IQGAP1: variants seen among roughly 807,000 people sequenced by gnomAD.
IQGAP1 encodes IQ motif containing GTPase activating protein 1.
IQGAP1 carries 66 observed loss-of-function variants against 215.6 expected under a neutral mutation model. That is an observed-to-expected ratio of 0.31 (90% CI 0.25 to 0.38). The LOEUF (loss-of-function observed/expected upper bound fraction) is 0.38. Among genes scored for constraint, IQGAP1 ranks in the 10% least tolerant of loss-of-function variants. IQGAP1 has a pLI of 1.00. For missense variants in IQGAP1, 1,712 were observed against 1,997.1 expected, an observed-to-expected ratio of 0.86 and a Z score of 2.72; for synonymous variants, 772 against 728.7, an observed-to-expected ratio of 1.06 and a Z score of -0.96.
chr15:90,414,416 T>G (rs1965014507), intron 2 of IQGAP1, among the ~76,000 whole-genome samples: 1 of 152,162 alleles, frequency 6.6e-6, no homozygotes, highest in South Asian at 2.1e-4. Context: ...TCTAGTTATT[T>G]TAAATGGACT....
chr15:90,440,403 G>A (rs1965431974), intron 6 of IQGAP1, 99 bp from the exon 7 acceptor site: 6 of 790,712 alleles, frequency 7.6e-6, no homozygotes, highest in Non-Finnish European at 1.3e-5. Flanking sequence ...AAAGGTAAAT[G>A]CCATTTTATC....
chr15:90,407,208 C>T (rs1964891950), intron 2 of IQGAP1, among the ~76,000 whole-genome samples: 1 of 151,988 alleles, frequency 6.6e-6, no homozygotes, highest in Non-Finnish European at 1.5e-5. Flanking sequence ...GGGATGAGAG[C>T]GTGTTCGATG....
chr15:90,482,718 A>T (rs1966077025), intron 28 of IQGAP1: 1 of 999,912 alleles, frequency 1.0e-6, no homozygotes. Context: ...GCTTTCCTAC[A>T]GTGAGGCCTC....
chr15:90,490,554 C>CTCG (rs1966189077), intron 33 of IQGAP1, among the ~76,000 whole-genome samples: 1 of 152,182 alleles, frequency 6.6e-6, no homozygotes, highest in Non-Finnish European at 1.5e-5. Context: ...AGAGGCAAGG[C>CTCG]TCGAGCATGA....
intron 15 of IQGAP1, among the ~76,000 whole-genome samples, chr15:90,464,277 A>G (rs935835120): frequency 6.6e-6 from 1 of 152,170 alleles, no homozygotes; most frequent in Non-Finnish European, 1.5e-5. Flanking sequence ...TTTCTAGAGA[A>G]GATTGCCCCA....
chr15:90,416,900 A>T (rs753225942), intron 2 of IQGAP1, among the ~76,000 whole-genome samples: 1 of 151,864 alleles, frequency 6.6e-6, no homozygotes, highest in Non-Finnish European at 1.5e-5. Flanking sequence ...TTTAATGATC[A>T]CTATTCTAAC....
chr15:90,428,438 G>T (rs1317255566), intron 3 of IQGAP1, among the ~76,000 whole-genome samples: 1 of 151,950 alleles, frequency 6.6e-6, no homozygotes, highest in African/African-American at 2.4e-5. Context: ...TCTGTAGGCA[G>T]AATGGGAAGA....
chr15:90,448,600 T>C lies in IQGAP1; in HGVS notation c.941T>C (p.Leu314Pro), dbSNP rs1346365427. ...TTTTCTGCATTAGCAAATATCGACC[T>C]GGCTTTAGAACAAGGAGATGCACTG... The part of the protein sequence containing the change: ...NTFSALANID[L>P]ALEQGDALAL... The change falls in exon 10 of 38, where the codon CTG becomes CCG. Residue 314 changes from leucine (L) to proline (P), a missense_variant. By Grantham distance (98) the Leu-to-Pro change is moderately conservative (BLOSUM62 -3). Coordinates refer to ENST00000268182, the MANE Select transcript of IQGAP1 (RefSeq NM_003870.4). The C allele has an allele frequency of 2.5e-6, 4 of 1,596,278 alleles. No homozygotes were observed. Among genetic ancestry groups the C allele is most frequent in the Non-Finnish European group, 3.4e-6 (4 of 1,172,114 alleles).
intron 2 of IQGAP1, among the ~76,000 whole-genome samples, chr15:90,414,959 T>C (rs989395657): frequency 1.3e-5 from 2 of 152,208 alleles, no homozygotes; most frequent in African/African-American, 4.8e-5. Flanking sequence ...AAATCATCTT[T>C]TAAAAAATAA....
intron 18 of IQGAP1, 127 bp from the exon 19 acceptor site, chr15:90,472,713 A>G: frequency 1.2e-6 from 1 of 806,738 alleles, no homozygotes; most frequent in Non-Finnish European, 1.9e-6. Context: ...CCTGTTATGT[A>G]GCTAATGATC....
chr15:90,426,483 C>T (rs532065443), intron 3 of IQGAP1, among the ~76,000 whole-genome samples: 3 of 151,498 alleles, frequency 2.0e-5, no homozygotes, highest in East Asian at 1.9e-4. Flanking sequence ...CTGGAAAGCC[C>T]GCCTCCCCCC....
chr15:90,417,938 A>G (rs151137489), intron 2 of IQGAP1, among the ~76,000 whole-genome samples: 1 of 152,124 alleles, frequency 6.6e-6, no homozygotes, highest in African/African-American at 2.4e-5. Context: ...CATCCCTTGT[A>G]AGTTGGATTC....
At chr15:90,476,933 AG>A in intron 24 of IQGAP1, 115 bp downstream of exon 24, 1 of 1,320,574 alleles carries the variant, frequency 7.6e-7, no homozygotes, top group Admixed American at 2.1e-5. Context: ...GGGGTGAGTG[AG>A]GGGCACTGTA....
intron 15 of IQGAP1, among the ~76,000 whole-genome samples, chr15:90,465,261 A>C (rs1394677198): frequency 6.6e-6 from 1 of 152,260 alleles, no homozygotes; most frequent in Non-Finnish European, 1.5e-5. Flanking sequence ...TGACAGTCTT[A>C]AAAACATTAG....
chr15:90,476,973 A>C, intron 24 of IQGAP1, 94 bp from the exon 25 acceptor site: 2 of 1,367,008 alleles, frequency 1.5e-6, no homozygotes, highest in South Asian at 2.6e-5. Context: ...CTTTTTTCTC[A>C]TATGTATTGT....
intron 2 of IQGAP1, among the ~76,000 whole-genome samples, chr15:90,411,327 G>C (rs1229855512): frequency 6.6e-6 from 1 of 151,642 alleles, no homozygotes; most frequent in Non-Finnish European, 1.5e-5. Context: ...TACCCAGGCT[G>C]GAATGCAGTG....
chr15:90,498,919 C>G (rs560193844), intron 37 of IQGAP1, among the ~76,000 whole-genome samples: 1 of 152,062 alleles, frequency 6.6e-6, no homozygotes, highest in Non-Finnish European at 1.5e-5. Context: ...AAGTGATTCT[C>G]CTGCCTCAGC....
At chr15:90,482,791 A>G (rs1966077611) in intron 28 of IQGAP1, 1 of 876,090 alleles carries the variant, frequency 1.1e-6, no homozygotes, top group South Asian at 4.8e-5. Flanking sequence ...TCTAGGGGAA[A>G]TGCTGTGACT....
At chr15:90,407,046 C>T (rs1964889271) in intron 2 of IQGAP1, among the ~76,000 whole-genome samples, 1 of 152,124 alleles carries the variant, frequency 6.6e-6, no homozygotes, top group South Asian at 2.1e-4. Flanking sequence ...ATCTCGTAGT[C>T]TAGAGCAAGG....
Sources: gnomAD v4.1 joint callset for allele counts (sites outside exome capture counted in the v4.1 genomes callset) on GRCh38, gnomAD v4.1.1 for gene constraint, MANE v1.5 for transcripts, NCBI Gene and HGNC (gene_info 2026-07-23, HGNC 2026-07-21) for gene names.